Variants in LIN52 observed in about 807,000 individuals in gnomAD.
The protein encoded by LIN52 is lin-52 DREAM MuvB core complex component.
Under a neutral mutation model 18.5 loss-of-function variants are expected in LIN52, and 4 were observed. The observed-to-expected ratio is 0.22, with a 90% CI of 0.11 to 0.49. The LOEUF (loss-of-function observed/expected upper bound fraction) is 0.49, where lower values mean the gene tolerates loss of function less well. LIN52 is among the 20% of genes least tolerant of loss of function. The pLI, the probability that LIN52 is intolerant of heterozygous loss-of-function variation, is 0.97. For synonymous variants in LIN52, 34 were observed against 45.5 expected (o/e 0.75, Z 1.02); for missense variants, 102 against 139.5 (o/e 0.73, Z 1.35).
At chr14:74,154,637 C>A (rs1418124307) in intron 5 of LIN52, among the ~76,000 whole-genome samples, 1 of 152,096 alleles carries the variant, frequency 6.6e-6, no homozygotes, top group Non-Finnish European at 1.5e-5. Context: ...CTCCTAAGAG[C>A]TTTATTTAAT....
intron 5 of LIN52, chr14:74,114,070 T>G (rs1263127674): frequency 2.2e-6 from 2 of 891,586 alleles, no homozygotes; most frequent in East Asian, 1.3e-4. Flanking sequence ...AACCCCTACC[T>G]CCCGGGCTCA....
At chr14:74,109,176 G>A (rs1358348513) in intron 5 of LIN52, among the ~76,000 whole-genome samples, 1 of 152,070 alleles carries the variant, frequency 6.6e-6, no homozygotes, top group Non-Finnish European at 1.5e-5. Flanking sequence ...GAATTGTCTT[G>A]ACATCCTTGT....
chr14:74,181,357 T>C (rs2061317948), intron 5 of LIN52, among the ~76,000 whole-genome samples: 1 of 151,600 alleles, frequency 6.6e-6, no homozygotes, highest in Non-Finnish European at 1.5e-5. Context: ...GGAGGACTGT[T>C]TGAGCCTAGG....
chr14:74,186,736 C>T (rs1016469224), intron 5 of LIN52, among the ~76,000 whole-genome samples: 5 of 151,836 alleles, frequency 3.3e-5, no homozygotes, highest in Admixed American at 2.6e-4. Context: ...TGGTGGCTCA[C>T]GCCTGTAATC....
At chr14:74,165,666 G>A (rs894800944) in intron 5 of LIN52, among the ~76,000 whole-genome samples, 2 of 147,926 alleles carry the variant, frequency 1.4e-5, no homozygotes, top group African/African-American at 5.0e-5. Flanking sequence ...ATGCCACCAC[G>A]CCTGACTAAT....
intron 5 of LIN52, among the ~76,000 whole-genome samples, chr14:74,195,552 G>A (rs1189290994): frequency 1.5e-5 from 1 of 68,026 alleles, no homozygotes; most frequent in Non-Finnish European, 3.1e-5. Context: ...GGGTGTGTGT[G>A]TGTATGTGTG....
chr14:74,179,092 A>G (rs764748982), intron 5 of LIN52, among the ~76,000 whole-genome samples: 18 of 151,938 alleles, frequency 1.2e-4, no homozygotes, highest in Non-Finnish European at 2.2e-4. Flanking sequence ...AAATAATAAT[A>G]ATACAGTAAT....
At chr14:74,092,307 A>G (rs1026443660) in intron 2 of LIN52, among the ~76,000 whole-genome samples, 1 of 141,454 alleles carries the variant, frequency 7.1e-6, no homozygotes, top group Non-Finnish European at 1.5e-5. Flanking sequence ...ATGTATATAT[A>G]TATATATGTT....
chr14:74,093,427 G>A (rs780207331), intron 2 of LIN52, among the ~76,000 whole-genome samples: 1 of 148,064 alleles, frequency 6.8e-6, no homozygotes, highest in Non-Finnish European at 1.5e-5. Flanking sequence ...CCGGGTTCAA[G>A]CAATTCTCCT....
At chr14:74,095,552 T>C (rs1442363675) in intron 2 of LIN52, among the ~76,000 whole-genome samples, 1 of 152,198 alleles carries the variant, frequency 6.6e-6, no homozygotes, top group East Asian at 1.9e-4. Flanking sequence ...TTTTCTGCAT[T>C]TTAATGTGAT....
chr14:74,162,957 C>T (rs541449381), intron 5 of LIN52, among the ~76,000 whole-genome samples: 17 of 152,192 alleles, frequency 1.1e-4, no homozygotes, highest in African/African-American at 3.6e-4. Flanking sequence ...TAGGACTATA[C>T]GAATGCATGT....
At chr14:74,182,918 G>A (rs1460883567) in intron 5 of LIN52, among the ~76,000 whole-genome samples, 1 of 152,148 alleles carries the variant, frequency 6.6e-6, no homozygotes. Flanking sequence ...TTAAGAGAGA[G>A]AAAGCTTGGA....
intron 5 of LIN52, among the ~76,000 whole-genome samples, chr14:74,132,490 T>A (rs929377162): frequency 6.6e-6 from 1 of 152,170 alleles, no homozygotes; most frequent in African/African-American, 2.4e-5. Context: ...ATGCACTACA[T>A]ATGACCTAAA....
At chr14:74,094,052 A>G (rs1397817199) in intron 2 of LIN52, among the ~76,000 whole-genome samples, 1 of 151,822 alleles carries the variant, frequency 6.6e-6, no homozygotes, top group Non-Finnish European at 1.5e-5. Flanking sequence ...TAATTTTTTA[A>G]GTATGTATAA....
intron 5 of LIN52, among the ~76,000 whole-genome samples, chr14:74,151,371 C>T (rs975404237): frequency 9.2e-5 from 14 of 152,032 alleles, no homozygotes; most frequent in African/African-American, 3.4e-4. Context: ...GGATAGAACC[C>T]TTGGAAAGGA....
intron 5 of LIN52, among the ~76,000 whole-genome samples, chr14:74,172,672 A>C (rs1325361963): frequency 6.6e-6 from 1 of 152,220 alleles, no homozygotes; most frequent in Non-Finnish European, 1.5e-5. Context: ...AAGAAGTATA[A>C]CATCAAGACA....
At chr14:74,198,518 T>C (rs2078928373) in intron 5 of LIN52, among the ~76,000 whole-genome samples, 1 of 152,342 alleles carries the variant, frequency 6.6e-6, no homozygotes, top group East Asian at 1.9e-4. Context: ...AGATTATAAA[T>C]GTCCAGAGAC....
intron 5 of LIN52, among the ~76,000 whole-genome samples, chr14:74,115,022 T>G (rs2060956064): frequency 6.6e-6 from 1 of 152,222 alleles, no homozygotes; most frequent in Non-Finnish European, 1.5e-5. Flanking sequence ...ATCCAATTCT[T>G]TGTTAACTGG....
At chr14:74,189,392 C>G (rs1035093131) in intron 5 of LIN52, among the ~76,000 whole-genome samples, 3 of 152,116 alleles carry the variant, frequency 2.0e-5, no homozygotes, top group Admixed American at 2.0e-4. Flanking sequence ...GCCTTTCATT[C>G]AATTGAGTTG....
Sources: gnomAD v4.1 joint callset for allele counts (sites outside exome capture counted in the v4.1 genomes callset) on GRCh38, gnomAD v4.1.1 for gene constraint, MANE v1.5 for transcripts, NCBI Gene and HGNC (gene_info 2026-07-23, HGNC 2026-07-21) for gene names.